PCDHGA3: variants seen among roughly 807,000 people sequenced by gnomAD.
The protein encoded by PCDHGA3 is protocadherin gamma subfamily A, 3.
PCDHGA3 carries 40 observed loss-of-function variants against 58.5 expected under a neutral mutation model. That is an observed-to-expected ratio of 0.68 (90% confidence interval 0.53 to 0.89). PCDHGA3 has a LOEUF of 0.89. PCDHGA3 is among the 40% of genes least tolerant of loss of function. The pLI, the probability that PCDHGA3 is intolerant of heterozygous loss-of-function variation, is 0.00. For missense variants in PCDHGA3, 1,223 were observed against 1,195.9 expected, an observed-to-expected ratio of 1.02 and a Z score of -0.33; for synonymous variants, 530 against 525.7, an observed-to-expected ratio of 1.01 and a Z score of -0.11.
intron 1 of PCDHGA3, among the ~76,000 whole-genome samples, chr5:141,456,736 G>A (rs1339661302): frequency 1.3e-5 from 2 of 151,924 alleles, no homozygotes; most frequent in Non-Finnish European, 2.9e-5. Context: ...AGGCTGAGGC[G>A]GGAGCATCAT....
At chr5:141,413,257 T>C (rs777964429) in intron 1 of PCDHGA3, 3 of 1,613,954 alleles carry the variant, frequency 1.9e-6, no homozygotes, top group African/African-American at 1.3e-5. Flanking sequence ...CGGGATTCCA[T>C]GGGAGGCTGG....
intron 1 of PCDHGA3, among the ~76,000 whole-genome samples, chr5:141,347,259 T>A (rs1250301636): frequency 6.6e-6 from 1 of 151,768 alleles, no homozygotes; most frequent in East Asian, 1.9e-4. Flanking sequence ...ACTCAAGTGA[T>A]CCTCCCACCT....
At chr5:141,400,357 T>C (rs769075513) in intron 1 of PCDHGA3, 1 of 1,614,052 alleles carries the variant, frequency 6.2e-7, no homozygotes, top group Non-Finnish European at 8.5e-7. Flanking sequence ...TCAGGGGACT[T>C]TGCCTTATTC....
chr5:141,489,571 G>A lies in PCDHGA3; in HGVS notation c.2425-5236G>A, dbSNP rs1206848223. The A allele has an allele frequency of 1.9e-6, 3 of 1,613,884 alleles. No individual in the cohort carries two copies. The highest frequency in any genetic ancestry group is 2.2e-5 in the South Asian group (2 of 91,070). On this transcript the variant is annotated intron_variant, in intron 1 of 3. Transcript: ENST00000253812. The surrounding 1 kb of genome is among the most constrained non-coding windows in gnomAD (Gnocchi z 4.5). ...CCTGCTGCCAGTGCAGGTGGTGACT[G>A]AACACCCCCTGGAGCTAATCCGTGT...
chr5:141,452,888 C>T (rs62379168), intron 1 of PCDHGA3, among the ~76,000 whole-genome samples: 13,856 of 152,130 alleles, frequency 0.091, 849 homozygotes, highest in African/African-American at 0.17. Flanking sequence ...TAATTTATTC[C>T]ACTTTTATTA....
chr5:141,360,891 G>A (rs1293108757), intron 1 of PCDHGA3: 11 of 1,613,912 alleles, frequency 6.8e-6, no homozygotes, highest in Non-Finnish European at 6.8e-6. Flanking sequence ...TCACCCTGAG[G>A]GAGGACGTGC....
intron 1 of PCDHGA3, chr5:141,364,874 G>A (rs368317740): frequency 6.2e-6 from 10 of 1,613,884 alleles, no homozygotes; most frequent in Non-Finnish European, 8.5e-6. Flanking sequence ...CTCTCTGGAT[G>A]TGGTAAGCGG....
chr5:141,501,290 T>TACACATAC (rs1224133816), intron 2 of PCDHGA3, among the ~76,000 whole-genome samples: 1,510 of 136,196 alleles, frequency 0.011, 8 homozygotes, highest in Admixed American at 0.014. Flanking sequence ...TATTCCCTTA[T>TACACATAC]ACACACACAC....
intron 1 of PCDHGA3, chr5:141,414,230 CCAT>C: frequency 6.2e-7 from 1 of 1,613,308 alleles, no homozygotes; most frequent in Non-Finnish European, 8.5e-7. Context: ...CCAGAGCTGA[CCAT>C]CACGTCTCTA....
chr5:141,432,997 G>A lies in PCDHGA3; in HGVS notation c.2425-61810G>A, dbSNP rs778828769. ...CGCACTTTGTGGGCGTGGACGGGGT[G>A]CAGGCTTTCCTGCAGACCTATTCCC... is the stretch of plus-strand genomic sequence containing the variant. On this transcript the variant is annotated intron_variant, in intron 1 of 3. Coordinates refer to ENST00000253812, the MANE Select transcript of PCDHGA3 (RefSeq NM_018916.4). This position sits in a 1 kb window ranked among gnomAD's most constrained non-coding sequence, Gnocchi z 6.0. 5 of 1,614,082 alleles carry A rather than the reference G, an allele frequency of 3.1e-6. No homozygotes were observed. In the Admixed American group the frequency reaches 8.3e-5, roughly 27 times the overall value.
chr5:141,346,428 G>A lies in PCDHGA3; in HGVS notation c.2395G>A (p.Glu799Lys), dbSNP rs1173251746. ...EPLLITQDLL[E>K]MKGDSNLLQQ... is the part of the protein sequence containing the mutation. The stretch of plus-strand genomic sequence containing the variant: ...TCTTCTGATAACTCAGGATTTACTT[G>A]AAATGAAAGGAGATTCCAACCTACT... Residue 799 changes from glutamate to lysine, a missense_variant, in exon 1 of 4, where the codon GAA (glutamate) becomes AAA (lysine). By Grantham distance (56) the Glu-to-Lys change is moderately conservative (BLOSUM62 1). Coordinates refer to ENST00000253812, the MANE Select transcript of PCDHGA3 (RefSeq NM_018916.4). 1 of 1,614,218 alleles carries A rather than the reference G, an allele frequency of 6.2e-7. No homozygotes were observed. The highest frequency in any genetic ancestry group is 8.5e-7 in the Non-Finnish European group (1 of 1,180,042).
intron 1 of PCDHGA3, among the ~76,000 whole-genome samples, chr5:141,483,294 T>G (rs1392406131): frequency 2.0e-5 from 3 of 152,100 alleles, no homozygotes; most frequent in Non-Finnish European, 4.4e-5. Flanking sequence ...CAGTCATAAG[T>G]GAAGGGACTG....
At chr5:141,395,220 G>A (rs1331532806) in intron 1 of PCDHGA3, 1 of 1,611,732 alleles carries the variant, frequency 6.2e-7, no homozygotes, top group Non-Finnish European at 8.5e-7. Flanking sequence ...ATATAAGAAT[G>A]AAGCTGATCA....
At chr5:141,408,303 G>A in intron 1 of PCDHGA3, 3 of 1,613,794 alleles carry the variant, frequency 1.9e-6, no homozygotes, top group Non-Finnish European at 2.5e-6. Flanking sequence ...GAGCCGATCC[G>A]CTACTCGATT....
intron 1 of PCDHGA3, chr5:141,421,154 G>A: frequency 8.7e-7 from 1 of 1,151,318 alleles, no homozygotes; most frequent in South Asian, 1.6e-5. Flanking sequence ...GTCGGCCTAG[G>A]ACTTCATAGA....
At chr5:141,474,461 CTT>C (rs1264129273) in intron 1 of PCDHGA3, among the ~76,000 whole-genome samples, 1 of 152,214 alleles carries the variant, frequency 6.6e-6, no homozygotes, top group East Asian at 1.9e-4. Context: ...GGGCTATACT[CTT>C]TATTCTAAAT....
chr5:141,478,819 C>T, intron 1 of PCDHGA3: 8 of 1,447,842 alleles, frequency 5.5e-6, no homozygotes, highest in South Asian at 3.0e-5. Flanking sequence ...CACAACTAAC[C>T]AATCTTGCTA....
chr5:141,430,315 T>C (rs185896854), intron 1 of PCDHGA3, among the ~76,000 whole-genome samples: 58 of 151,980 alleles, frequency 3.8e-4, no homozygotes, highest in African/African-American at 1.3e-3. Context: ...CATTATAAGA[T>C]TAAAATCATT....
At chr5:141,475,684 T>C (rs2099367059) in intron 1 of PCDHGA3, among the ~76,000 whole-genome samples, 1 of 152,228 alleles carries the variant, frequency 6.6e-6, no homozygotes, top group African/African-American at 2.4e-5. Context: ...TTGATTTGGA[T>C]TGGAGACTTG....
Sources: gnomAD v4.1 joint callset for allele counts (sites outside exome capture counted in the v4.1 genomes callset) on GRCh38, gnomAD v4.1.1 for gene constraint, Gnocchi (gnomAD v3.1) non-coding constraint, MANE v1.5 for transcripts, NCBI Gene and HGNC (gene_info 2026-07-23, HGNC 2026-07-21) for gene names.